YPEL1: variants seen among roughly 807,000 people sequenced by gnomAD.
YPEL1 encodes the protein protein yippee-like 1.
YPEL1 carries 7 observed loss-of-function variants against 17.3 expected under a neutral mutation model. The observed-to-expected ratio is 0.40, with a 90% confidence interval of 0.23 to 0.76. The LOEUF is 0.76. Ranked by LOEUF, YPEL1 falls within the 30% of genes least tolerant of loss-of-function variation. YPEL1 has a pLI of 0.35. For synonymous variants in YPEL1, 59 were observed against 59.6 expected (o/e 0.99, Z 0.05); for missense variants, 91 against 155.5 (o/e 0.59, Z 2.21).
In YPEL1 at chr22:21,697,884, GTAAAT is replaced by G. The variant is rs1234075921; in HGVS notation, c.*3240_*3244del. On this transcript the variant is annotated 3_prime_UTR_variant, in exon 5 of 5. Coordinates refer to ENST00000339468, the MANE Select transcript of YPEL1 (RefSeq NM_013313.5). ...TTTAACGACCTGATGAGGGCATCAGGTAAATTAAAGGATTTTGGGAAGATTCTTAT... is the reference window on the plus strand; with the variant it reads ...TTTAACGACCTGATGAGGGCATCAGGTAAAGGATTTTGGGAAGATTCTTAT... 2 of 152,266 alleles carry G rather than the reference GTAAAT, an allele frequency of 1.3e-5. No individual in the cohort carries two copies. Among genetic ancestry groups the G allele is most frequent in the Admixed American group, 1.3e-4 (2 of 15,282 alleles). The allele number at this position is 152,266 out of a possible 1,614,324, so 9.4% of individuals were successfully genotyped here.
chr22:21,717,996 C>T (rs946281560), intron 1 of YPEL1, among the ~76,000 whole-genome samples: 44 of 151,518 alleles, frequency 2.9e-4, no homozygotes, highest in Non-Finnish European at 1.6e-4. Context: ...CCAAGTGTGG[C>T]GTCACGTGTC....
Position 21,703,713 on chromosome 22 carries a change from G to GGC in YPEL1, c.161+125_161+126insGC. On this transcript the variant is annotated intron_variant, in intron 3 of 4. Transcript: ENST00000339468. This position sits in a 1 kb window ranked among gnomAD's most constrained non-coding sequence, Gnocchi z 6.1. ...TAGCGCGTTTCAGAAACTCCCGGCG[G>GGC]GGGGATGGTGGGTTCTTTCAGGACC... is the stretch of plus-strand genomic sequence containing the variant. The GGC allele has an allele frequency of 9.0e-7, 1 of 1,115,074 alleles. No individual in the cohort carries two copies. The highest frequency in any genetic ancestry group is 2.6e-5 in the East Asian group (1 of 38,776). 69.1% of individuals were successfully genotyped at this position (1,115,074 alleles called of 1,614,324 possible).
intron 1 of YPEL1, among the ~76,000 whole-genome samples, chr22:21,726,141 A>T (rs2068333368): frequency 6.6e-6 from 1 of 152,150 alleles, no homozygotes; most frequent in Non-Finnish European, 1.5e-5. Flanking sequence ...CCTCACCCAG[A>T]CCCACATGTC....
At chr22:21,712,914 CAACAA>C (rs1284321789) in intron 1 of YPEL1, among the ~76,000 whole-genome samples, 1 of 151,932 alleles carries the variant, frequency 6.6e-6, no homozygotes, top group Non-Finnish European at 1.5e-5. Context: ...TCCTACAACT[CAACAA>C]AACAACCCCA....
intron 4 of YPEL1, among the ~76,000 whole-genome samples, chr22:21,702,499 C>T (rs1569057380): frequency 6.6e-6 from 1 of 152,244 alleles, no homozygotes; most frequent in East Asian, 1.9e-4. Context: ...ATGGGAAAGC[C>T]TCCTTCAACA....
At chr22:21,721,512 C>A (rs990136383) in intron 1 of YPEL1, among the ~76,000 whole-genome samples, 9 of 152,042 alleles carry the variant, frequency 5.9e-5, no homozygotes, top group Non-Finnish European at 1.3e-4. Context: ...CAACCTCCAC[C>A]TCCTGGGTTC....
chr22:21,712,705 GAC>G (rs975630651), intron 1 of YPEL1, among the ~76,000 whole-genome samples: 12 of 135,270 alleles, frequency 8.9e-5, no homozygotes, highest in Non-Finnish European at 1.7e-4. Flanking sequence ...CAGCCTGGGC[GAC>G]AGAGTGAGAC....
intron 2 of YPEL1, chr22:21,704,205 C>T (rs2068094989): frequency 4.2e-6 from 3 of 716,980 alleles, no homozygotes; most frequent in Non-Finnish European, 7.8e-6. Context: ...TAGAGGAGTT[C>T]TGAGAGGGGA....
At chr22:21,718,908 C>T (rs1374427463) in intron 1 of YPEL1, among the ~76,000 whole-genome samples, 1 of 152,120 alleles carries the variant, frequency 6.6e-6, no homozygotes, top group Non-Finnish European at 1.5e-5. Context: ...TTCCCCAAAC[C>T]TTAAACTCTT....
In YPEL1 at chr22:21,699,596, G is replaced by T. The variant is rs3747095; in HGVS notation, c.*1533C>A. The T allele has an allele frequency of 0.34, 51,782 of 152,302 alleles. 9,012 individuals are homozygous for T. The highest frequency in any genetic ancestry group is 0.38 in the Non-Finnish European group (25,899 of 67,878). 9.4% of individuals were successfully genotyped at this position (152,302 alleles called of 1,614,324 possible). ...AGCACCACGCAGGGACGGGCAACGC[G>T]TCTAGCAGGCCAGGCGTCTTCATGC... On this transcript the variant is annotated 3_prime_UTR_variant, in exon 5 of 5. Transcript: ENST00000339468.
chr22:21,702,468 C>T (rs2068075147), intron 4 of YPEL1, among the ~76,000 whole-genome samples: 3 of 152,136 alleles, frequency 2.0e-5, no homozygotes, highest in African/African-American at 7.2e-5. Flanking sequence ...TGGCCTGGAC[C>T]CGAAGAACAC....
At chr22:21,727,587 G>A (rs1013656910) in intron 1 of YPEL1, among the ~76,000 whole-genome samples, 1 of 152,206 alleles carries the variant, frequency 6.6e-6, no homozygotes, top group Non-Finnish European at 1.5e-5. Context: ...AAATAAGCCT[G>A]TAAAATTATT....
intron 2 of YPEL1, among the ~76,000 whole-genome samples, chr22:21,705,267 C>G (rs1364533242): frequency 2.0e-5 from 3 of 152,240 alleles, no homozygotes; most frequent in Admixed American, 1.3e-4. Flanking sequence ...GCGTGAGCCA[C>G]TGCGCCTGGC....
chr22:21,710,562 C>T, intron 2 of YPEL1, 66 bp downstream of exon 2: 1 of 1,309,702 alleles, frequency 7.6e-7, no homozygotes, highest in Non-Finnish European at 1.1e-6. Context: ...AATATTCTTC[C>T]ACTATGTAGG....
chr22:21,733,714 C>T (rs2068410455), intron 1 of YPEL1, among the ~76,000 whole-genome samples: 1 of 151,970 alleles, frequency 6.6e-6, no homozygotes, highest in South Asian at 2.1e-4. Context: ...AGAATGAGAC[C>T]TTGTCTCAAA....
chr22:21,722,050 C>A (rs2068288694), intron 1 of YPEL1, among the ~76,000 whole-genome samples: 1 of 152,180 alleles, frequency 6.6e-6, no homozygotes, highest in South Asian at 2.1e-4. Context: ...CTACAGAATT[C>A]CCTTGTCTTT....
At position 21,699,151 on chromosome 22, in the gene YPEL1, C is replaced by T. The variant is rs955543149; in HGVS notation, c.*1978G>A. 2.6e-5 allele frequency: 4 copies of T among 152,544 alleles called. No homozygotes were observed. The highest frequency in any genetic ancestry group is 2.6e-4 in the Admixed American group (4 of 15,302). 9.4% of individuals were successfully genotyped at this position (152,544 alleles called of 1,614,324 possible). On this transcript the variant is annotated 3_prime_UTR_variant, in exon 5 of 5. Coordinates refer to ENST00000339468, the MANE Select transcript of YPEL1 (RefSeq NM_013313.5). ...GGCACAGCCCAGTGCCTGCCTGGAC[C>T]GCAGGTCTGGGTTTAGGAAGGGCTG... is the stretch of plus-strand genomic sequence containing the variant.
chr22:21,722,512 G>C (rs1252054091), intron 1 of YPEL1, among the ~76,000 whole-genome samples: 1 of 152,048 alleles, frequency 6.6e-6, no homozygotes, highest in Non-Finnish European at 1.5e-5. Flanking sequence ...GCTACTTCAG[G>C]GGGCTGAGCC....
chr22:21,726,613 G>A (rs903695842), intron 1 of YPEL1, among the ~76,000 whole-genome samples: 1 of 152,170 alleles, frequency 6.6e-6, no homozygotes, highest in African/African-American at 2.4e-5. Context: ...CCCCATCAGG[G>A]TCCTGTGTTA....
Sources: gnomAD v4.1 joint callset for allele counts (sites outside exome capture counted in the v4.1 genomes callset) on GRCh38, gnomAD v4.1.1 for gene constraint, Gnocchi (gnomAD v3.1) non-coding constraint, MANE v1.5 for transcripts, NCBI Gene and HGNC (gene_info 2026-07-23, HGNC 2026-07-21) for gene names.